DIS3L2: variants seen among roughly 807,000 people sequenced by gnomAD.
DIS3L2 encodes DIS3 like 3'-5' exoribonuclease 2.
In DIS3L2, 34 loss-of-function variants were observed where a neutral mutation model predicts 97.5. The observed-to-expected ratio is 0.35, with a 90% CI of 0.27 to 0.46. The LOEUF (loss-of-function observed/expected upper bound fraction) is 0.46. Ranked by LOEUF, DIS3L2 falls within the 20% of genes least tolerant of loss-of-function variation. DIS3L2 has a pLI of 1.00. For synonymous variants in DIS3L2, 435 were observed against 445.2 expected (o/e 0.98, Z 0.29); for missense variants, 1,038 against 1,146.0 (o/e 0.91, Z 1.36).
intron 6 of DIS3L2, among the ~76,000 whole-genome samples, chr2:232,107,398 A>G (rs1697384422): frequency 6.6e-6 from 1 of 152,120 alleles, no homozygotes; most frequent in African/African-American, 2.4e-5. Flanking sequence ...AATAAATACA[A>G]TCAGAAATGA....
intron 5 of DIS3L2, among the ~76,000 whole-genome samples, chr2:232,081,082 G>C (rs1478375407): frequency 6.6e-6 from 1 of 152,134 alleles, no homozygotes; most frequent in Non-Finnish European, 1.5e-5. Flanking sequence ...AATTGTGAAT[G>C]TGATTGAGTG....
intron 14 of DIS3L2, among the ~76,000 whole-genome samples, chr2:232,311,164 G>T (rs1405503567): frequency 6.6e-6 from 1 of 152,220 alleles, no homozygotes; most frequent in Non-Finnish European, 1.5e-5. Context: ...AAATGGGGGA[G>T]CCGCAAAAAT....
At chr2:232,264,630 G>A (rs906254247) in intron 13 of DIS3L2, among the ~76,000 whole-genome samples, 3 of 152,210 alleles carry the variant, frequency 2.0e-5, no homozygotes, top group Admixed American at 6.5e-5. Context: ...GGGTAGGAGC[G>A]TGGAACTGTT....
At chr2:232,005,183 T>A (rs1559533539) in intron 1 of DIS3L2, among the ~76,000 whole-genome samples, 1 of 150,174 alleles carries the variant, frequency 6.7e-6, no homozygotes, top group Non-Finnish European at 1.5e-5. Flanking sequence ...TTTTTTTTTT[T>A]TTTTTTTTAT....
chr2:232,089,345 G>A (rs1468407626), intron 6 of DIS3L2, among the ~76,000 whole-genome samples: 1 of 152,180 alleles, frequency 6.6e-6, no homozygotes, highest in Non-Finnish European at 1.5e-5. Flanking sequence ...ACACGTTTAG[G>A]TAACTAGTGG....
intron 6 of DIS3L2, among the ~76,000 whole-genome samples, chr2:232,096,806 A>C (rs1697030062): frequency 6.6e-6 from 1 of 151,950 alleles, no homozygotes; most frequent in Non-Finnish European, 1.5e-5. Context: ...AATTTATCTG[A>C]TATAATTCTG....
downstream of DIS3L2, among the ~76,000 whole-genome samples, chr2:232,338,047 A>G (rs1696020554): frequency 1.3e-5 from 2 of 151,618 alleles, no homozygotes. Context: ...AGGGACAGAC[A>G]GGCGAGCGTC....
intron 6 of DIS3L2, among the ~76,000 whole-genome samples, chr2:232,126,559 C>T (rs148397876): frequency 8.0e-4 from 122 of 152,332 alleles, no homozygotes; most frequent in African/African-American, 2.9e-3. Flanking sequence ...AGAGAGAAGG[C>T]TGGGCCTCTG....
chr2:232,120,383 T>C (rs1697862531), intron 6 of DIS3L2, among the ~76,000 whole-genome samples: 1 of 152,114 alleles, frequency 6.6e-6, no homozygotes, highest in Non-Finnish European at 1.5e-5. Flanking sequence ...GCATGTTATT[T>C]GGTATGTGTG....
chr2:232,338,997 G>A (rs1696051696), downstream of DIS3L2, among the ~76,000 whole-genome samples: 1 of 152,240 alleles, frequency 6.6e-6, no homozygotes, highest in Non-Finnish European at 1.5e-5. Flanking sequence ...TCCATGACCA[G>A]GGCCTGGCGA....
chr2:232,246,690 A>G lies in DIS3L2; in HGVS notation c.1318-2549A>G, dbSNP rs534899380. ...TGCACCATGCTGCTGCTGAGTCTGC[A>G]CTTCACTCACTGTAAAAAGGTCTTT... On this transcript the variant is annotated intron_variant, in intron 11 of 20. Coordinates refer to ENST00000325385, the MANE Select transcript of DIS3L2 (RefSeq NM_152383.5). Among the ~76,000 whole-genome samples the G allele has an allele frequency of 3.3e-5, 5 of 152,364 alleles. No homozygotes were observed. The South Asian group carries it at 1.0e-3, about 32-fold the overall frequency.
intron 14 of DIS3L2, among the ~76,000 whole-genome samples, chr2:232,316,379 A>C (rs556591059): frequency 3.9e-5 from 6 of 151,908 alleles, no homozygotes; most frequent in Non-Finnish European, 8.8e-5. Flanking sequence ...ATGTCCACAC[A>C]ATGCTGTGTA....
chr2:232,285,914 A>G (rs961744370), intron 13 of DIS3L2, among the ~76,000 whole-genome samples: 11 of 152,204 alleles, frequency 7.2e-5, no homozygotes, highest in Admixed American at 4.6e-4. Context: ...GGGACTTAAA[A>G]TCTAGTTGGG....
chr2:232,329,785 T>TCCCCGGGGCCCCCCC, intron 14 of DIS3L2, 28 bp from the exon 15 acceptor site: 12 of 967,128 alleles, frequency 1.2e-5, no homozygotes, highest in East Asian at 6.2e-5. Context: ...ACCCCAGCGG[T>TCCCCGGGGCCCCCCC]CCCTCCCATC....
Position 232,329,793 on chromosome 2 carries a change from ATC to A in DIS3L2, c.1740-19_1740-18del. 6.8e-6 allele frequency: 1 copy of A among 147,850 alleles called. No individual in the cohort carries two copies. The highest frequency in any genetic ancestry group is 1.3e-5 in the Non-Finnish European group (1 of 79,744). The allele number at this position is 147,850 out of a possible 1,614,324, so 9.2% of individuals were successfully genotyped here. A position where few individuals can be genotyped will look rare whatever the true frequency, so the allele number is the denominator to read the frequency against. ...TCCCCAAACCCCAGCGGTCCCTCCC[ATC>A]CCACCCACCCTCTGCAGGCTCGTGG... On this transcript the variant is annotated intron_variant, in intron 14 of 20. Transcript: ENST00000325385.
intron 16 of DIS3L2, among the ~76,000 whole-genome samples, chr2:232,333,165 CCTCCGCTGTCGCCTCCTCCTCCTCCTCCT>C (rs1695804878): frequency 1.8e-5 from 2 of 113,684 alleles, no homozygotes; most frequent in Non-Finnish European, 3.5e-5. Flanking sequence ...TCCTTCTCCT[CCTCCGCTGTCGCCTCCTCCTCCTCCTCCT>C]CCTCCTCCTC....
chr2:232,236,857 T>G (rs1312814367), intron 10 of DIS3L2, among the ~76,000 whole-genome samples: 5 of 152,190 alleles, frequency 3.3e-5, no homozygotes, highest in Admixed American at 3.3e-4. Flanking sequence ...GTTCAAGCAG[T>G]TCTCCTGCCT....
At chr2:232,084,737 T>A (rs1224599860) in intron 5 of DIS3L2, among the ~76,000 whole-genome samples, 1 of 151,720 alleles carries the variant, frequency 6.6e-6, no homozygotes, top group African/African-American at 2.4e-5. Context: ...TTAAATATAC[T>A]CAGGGACTGG....
chr2:232,157,675 G>A (rs565794303), intron 8 of DIS3L2, among the ~76,000 whole-genome samples: 2 of 152,320 alleles, frequency 1.3e-5, no homozygotes, highest in Non-Finnish European at 2.9e-5. Context: ...CACTGGATGC[G>A]ATCTGATGTG....
Sources: gnomAD v4.1 joint callset for allele counts (sites outside exome capture counted in the v4.1 genomes callset) on GRCh38, gnomAD v4.1.1 for gene constraint, MANE v1.5 for transcripts, NCBI Gene and HGNC (gene_info 2026-07-23, HGNC 2026-07-21) for gene names.